ACYP2: variants seen among roughly 807,000 people sequenced by gnomAD.
ACYP2 encodes the protein acylphosphatase 2.
ACYP2 carries 12 observed loss-of-function variants against 11.2 expected under a neutral mutation model. That is an observed-to-expected ratio of 1.08 (90% CI 0.69 to 1.74). The LOEUF (loss-of-function observed/expected upper bound fraction) is 1.74. Ranked by LOEUF, ACYP2 falls within the 40% of genes most tolerant of loss-of-function variation. The pLI is 0.00. For missense variants in ACYP2, 134 were observed against 101.9 expected (o/e 1.31, Z -1.35); for synonymous variants, 43 against 32.2 (o/e 1.33, Z -1.13).
At chr2:54,075,769 C>T (rs939260889) in intron 4 of ACYP2, among the ~76,000 whole-genome samples, 22 of 151,924 alleles carry the variant, frequency 1.4e-4, no homozygotes, top group Admixed American at 1.2e-3. Flanking sequence ...GCCAAGATCA[C>T]GCCACTGCAC....
At chr2:54,053,467 G>T (rs1573616199) in intron 3 of ACYP2, among the ~76,000 whole-genome samples, 2 of 152,272 alleles carry the variant, frequency 1.3e-5, no homozygotes, top group Admixed American at 1.3e-4. Context: ...GCTTTCCTGG[G>T]TCCTAGATAT....
chr2:54,163,510 TGAA>T (rs949701538), intron 6 of ACYP2, among the ~76,000 whole-genome samples: 1 of 152,172 alleles, frequency 6.6e-6, no homozygotes, highest in Non-Finnish European at 1.5e-5. Context: ...TCCTGAAGTT[TGAA>T]GAAGTTTTCA....
chr2:54,274,885 C>G (rs932475968), intron 6 of ACYP2, among the ~76,000 whole-genome samples: 1 of 152,198 alleles, frequency 6.6e-6, no homozygotes, highest in African/African-American at 2.4e-5. Context: ...GTAATAGCAG[C>G]TGCAGTTTTG....
chr2:54,047,030 A>G (rs1156555647), intron 2 of ACYP2, among the ~76,000 whole-genome samples: 3 of 152,204 alleles, frequency 2.0e-5, no homozygotes, highest in Non-Finnish European at 2.9e-5. Flanking sequence ...TGCAGTTTTC[A>G]GTAGATATTA....
Position 54,117,142 on chromosome 2 carries a change from A to G in ACYP2, c.278-18311A>G, listed in dbSNP as rs1400431552. On this transcript the variant is annotated intron_variant, in intron 4 of 6. Coordinates refer to ENST00000607452, the MANE Select transcript of ACYP2 (RefSeq NM_001320586.2). The stretch of plus-strand genomic sequence containing the variant: ...CTGATTCTTTGAAGAGAAATTTAGA[A>G]CTCATTGTATTCAACAGCTCCAAGT... Among the ~76,000 whole-genome samples, 3 of 152,084 alleles carry G rather than the reference A, an allele frequency of 2.0e-5. No individual in the cohort carries two copies. The East Asian group carries it at 5.8e-4, about 29-fold the overall frequency.
intron 6 of ACYP2, among the ~76,000 whole-genome samples, chr2:54,245,680 A>G (rs138396661): frequency 3.2e-4 from 47 of 148,388 alleles, no homozygotes; most frequent in African/African-American, 1.1e-3. Context: ...AGAAATGTCT[A>G]TTCAGATCAT....
chr2:54,240,293 A>G (rs1686677458), intron 6 of ACYP2, among the ~76,000 whole-genome samples: 1 of 152,194 alleles, frequency 6.6e-6, no homozygotes, highest in South Asian at 2.1e-4. Context: ...TAATGAATAA[A>G]CTAGTTATAT....
chr2:54,040,958 G>C (rs949433358), intron 2 of ACYP2, among the ~76,000 whole-genome samples: 19 of 152,212 alleles, frequency 1.2e-4, no homozygotes, highest in African/African-American at 4.1e-4. Context: ...AAAAGATCCA[G>C]GGGAAAGGGA....
In ACYP2 at chr2:54,041,871, G is replaced by A. The variant is rs578210133; in HGVS notation, c.63-9087G>A. Among the ~76,000 whole-genome samples, 5 of 152,146 alleles carry A rather than the reference G, an allele frequency of 3.3e-5. No homozygotes were observed. In the East Asian group the frequency reaches 9.7e-4, roughly 29 times the overall value. On this transcript the variant is annotated intron_variant, in intron 2 of 6. Transcript: ENST00000607452. The stretch of plus-strand genomic sequence containing the variant: ...ACTGGCACGATCACAGCTCACTGCA[G>A]CCTCAACCTCCTGGGCTCAAGCAAT...
Position 54,044,654 on chromosome 2 carries a change from C to G in ACYP2, c.63-6304C>G, listed in dbSNP as rs548252619. On this transcript the variant is annotated intron_variant, in intron 2 of 6. Transcript: ENST00000607452. ...GGCAAACGGTTTATTAATCAGGACC[C>G]TACAATTACAAGGATATGAGGCCTT... 4.6e-5 allele frequency among the ~76,000 whole-genome samples: 7 copies of G among 152,072 alleles called. No homozygotes were observed. The South Asian group carries it at 1.2e-3, about 27-fold the overall frequency.
intron 2 of ACYP2, chr2:54,029,672 C>A: frequency 2.2e-6 from 1 of 462,826 alleles, no homozygotes; most frequent in Non-Finnish European, 4.1e-6. Flanking sequence ...TTGTAGAGTG[C>A]TTAAAGTGCT....
intron 2 of ACYP2, among the ~76,000 whole-genome samples, chr2:53,989,614 A>G (rs1176804143): frequency 6.6e-6 from 1 of 152,196 alleles, no homozygotes; most frequent in Non-Finnish European, 1.5e-5. Context: ...CTCTAACTTT[A>G]GAAGCCTAAG....
rs189919847 is a variant in ACYP2 at position 54,209,941 on chromosome 2, G to A, written c.404+71193G>A. Among the ~76,000 whole-genome samples the A allele has an allele frequency of 9.1e-4, 139 of 152,196 alleles. 2 individuals are homozygous for A. The East Asian group carries it at 0.026, about 28-fold the overall frequency. ...GGATCGCTTGAGGCCAGGAGTTCAAGACCAGCCTGGCCAACATGGCGAAAC... is the reference window on the plus strand; with the variant it reads ...GGATCGCTTGAGGCCAGGAGTTCAAAACCAGCCTGGCCAACATGGCGAAAC... On this transcript the variant is annotated intron_variant, in intron 6 of 6. Transcript: ENST00000607452.
intron 6 of ACYP2, among the ~76,000 whole-genome samples, chr2:54,273,370 TACAC>T (rs1460351072): frequency 1.3e-5 from 2 of 152,264 alleles, no homozygotes; most frequent in Non-Finnish European, 2.9e-5. Context: ...CAAAGGAAGT[TACAC>T]AGCCCCTAGA....
At chr2:54,052,046 C>CAATAAATAAATAAATAAATA (rs58161337) in intron 3 of ACYP2, among the ~76,000 whole-genome samples, 144 of 141,152 alleles carry the variant, frequency 1.0e-3, no homozygotes, top group Middle Eastern at 3.5e-3. Flanking sequence ...GACTCTGTCT[C>CAATAAATAAATAAATAAATA]AATAAATAAA....
At chr2:54,153,011 A>G (rs971811566) in intron 6 of ACYP2, among the ~76,000 whole-genome samples, 1 of 152,148 alleles carries the variant, frequency 6.6e-6, no homozygotes, top group Non-Finnish European at 1.5e-5. Context: ...TTTTTTAAAA[A>G]TGTATTTTTT....
At chr2:54,024,580 A>G (rs932657169) in intron 2 of ACYP2, among the ~76,000 whole-genome samples, 5 of 152,238 alleles carry the variant, frequency 3.3e-5, no homozygotes, top group Non-Finnish European at 7.3e-5. Flanking sequence ...CATAGAAGGG[A>G]CATATCTTAA....
chr2:54,142,794 C>T (rs955115518), intron 6 of ACYP2: 1 of 152,178 alleles, frequency 6.6e-6, no homozygotes, highest in Non-Finnish European at 1.5e-5. Flanking sequence ...CATTTAAGAA[C>T]ACACAGATGT....
chr2:54,201,630 TTC>T (rs1459478696), intron 6 of ACYP2, among the ~76,000 whole-genome samples: 114 of 90,554 alleles, frequency 1.3e-3, no homozygotes, highest in East Asian at 3.5e-3. Context: ...CTTTGTTTCT[TTC>T]TTTCTCTTTC....
Sources: allele counts gnomAD v4.1 joint callset (sites outside exome capture counted in the v4.1 genomes callset), GRCh38; gene constraint gnomAD v4.1.1; transcripts MANE v1.5; gene names NCBI Gene and HGNC (gene_info 2026-07-23, HGNC 2026-07-21).